The following FBXO11 variants were observed in gnomAD, a reference collection of about 807,000 sequenced individuals.
FBXO11 encodes F-box protein 11.
In FBXO11, 13 loss-of-function variants were observed where a neutral mutation model predicts 117.0. The ratio of observed to expected loss-of-function variants is 0.11; its 90% CI spans 0.07 to 0.18. The LOEUF is 0.18. Ranked by LOEUF, FBXO11 falls within the 10% of genes least tolerant of loss-of-function variation. FBXO11 has a pLI of 1.00. For synonymous variants in FBXO11, 490 were observed against 380.5 expected (o/e 1.29, Z -3.35); for missense variants, 767 against 1,164.4 (o/e 0.66, Z 4.97).
intron 11 of FBXO11, among the ~76,000 whole-genome samples, chr2:47,828,851 T>G (rs889188349): frequency 3.9e-5 from 6 of 152,212 alleles, no homozygotes; most frequent in African/African-American, 1.4e-4. Context: ...AAGGCTATAA[T>G]AAGCTTAGCT....
At chr2:47,886,501 CAAAA>C (rs368848073) in intron 1 of FBXO11, among the ~76,000 whole-genome samples, 2 of 82,652 alleles carry the variant, frequency 2.4e-5, no homozygotes, top group Non-Finnish European at 4.9e-5. Flanking sequence ...GCGAGACTCT[CAAAA>C]AAAAAAAAAA....
At chr2:47,895,357 T>G (rs962310984) in intron 1 of FBXO11, among the ~76,000 whole-genome samples, 1 of 152,134 alleles carries the variant, frequency 6.6e-6, no homozygotes, top group Non-Finnish European at 1.5e-5. Flanking sequence ...AGCAGCAATA[T>G]GGATGAAGCT....
chr2:47,849,937 A>T (rs575489852), intron 1 of FBXO11, among the ~76,000 whole-genome samples: 4 of 152,192 alleles, frequency 2.6e-5, no homozygotes, highest in Non-Finnish European at 5.9e-5. Context: ...TGGTCACTGA[A>T]GGGTATTAAA....
chr2:47,820,329 T>A (rs780423522), intron 14 of FBXO11, 33 bp downstream of exon 14: 2 of 1,537,014 alleles, frequency 1.3e-6, no homozygotes, highest in South Asian at 2.3e-5. Flanking sequence ...TTTTGATGCA[T>A]GAGTTTATAG....
At chr2:47,883,065 A>G (rs1676554034) in intron 1 of FBXO11, among the ~76,000 whole-genome samples, 1 of 152,176 alleles carries the variant, frequency 6.6e-6, no homozygotes, top group African/African-American at 2.4e-5. Context: ...CTTCTCTTGT[A>G]GAACTATTTA....
At position 47,839,773 on chromosome 2, in the gene FBXO11, T is replaced by C. The variant is rs771961928; in HGVS notation, c.233-4A>G. ...ATATCTGCAGGCACATCATCATCTG[T>C]TATAAACAAAAGCAATAAGAAAAAT... On this transcript the variant is annotated splice_region_variant and splice_polypyrimidine_tract_variant and intron_variant, in intron 1 of 22. Coordinates refer to ENST00000403359, the MANE Select transcript of FBXO11 (RefSeq NM_001190274.2). The C allele has an allele frequency of 3.1e-6, 5 of 1,602,280 alleles. No homozygotes were observed. The East Asian group carries it at 8.9e-5, about 29-fold the overall frequency.
intron 14 of FBXO11, 95 bp from the exon 15 acceptor site, chr2:47,819,173 AT>A: frequency 7.4e-7 from 1 of 1,345,738 alleles, no homozygotes; most frequent in Non-Finnish European, 1.0e-6. Flanking sequence ...AAAATTTTCC[AT>A]TTTTGTTTTT....
At position 47,852,653 on chromosome 2, in the gene FBXO11, AATG is replaced by A. The variant is rs1469871286; in HGVS notation, c.233-12887_233-12885del. ...TTTAAAACTTTATTGTATCAATACA[AATG>A]ATGATGGATGATAATAATGATAGTA... On this transcript the variant is annotated intron_variant, in intron 1 of 22. Coordinates refer to ENST00000403359, the MANE Select transcript of FBXO11 (RefSeq NM_001190274.2). Among the ~76,000 whole-genome samples, 9 of 152,330 alleles carry A rather than the reference AATG, an allele frequency of 5.9e-5. 1 individual carries two copies. Among genetic ancestry groups the A allele is most frequent in the African/African-American group, 1.4e-4 (6 of 41,582 alleles).
At position 47,837,733 on chromosome 2, in the gene FBXO11, C is replaced by A. The variant is rs1199161583; in HGVS notation, c.587+1126G>T. Reference sequence around the variant, plus strand: ...TATATAGCATATACAATTTTGTACTCTGTTCTTTTCTTTAAAAAACAGGGT... The same window carrying A: ...TATATAGCATATACAATTTTGTACTATGTTCTTTTCTTTAAAAAACAGGGT... On this transcript the variant is annotated intron_variant, in intron 4 of 22. Coordinates refer to ENST00000403359, the MANE Select transcript of FBXO11 (RefSeq NM_001190274.2). 2.6e-5 allele frequency among the ~76,000 whole-genome samples: 4 copies of A among 152,200 alleles called. No individual in the cohort carries two copies. The East Asian group carries it at 5.8e-4, about 22-fold the overall frequency.
chr2:47,859,639 A>C (rs933733174), intron 1 of FBXO11, among the ~76,000 whole-genome samples: 2 of 152,218 alleles, frequency 1.3e-5, no homozygotes, highest in African/African-American at 4.8e-5. Context: ...GCAGCCCTCA[A>C]AGTGTTTTCA....
chr2:47,813,928 A>G, intron 16 of FBXO11, 61 bp from the exon 17 acceptor site: 1 of 1,262,386 alleles, frequency 7.9e-7, no homozygotes, highest in Non-Finnish European at 1.2e-6. Flanking sequence ...TCTTCATGTT[A>G]CGTGAGGTAA....
intron 17 of FBXO11, 121 bp from the exon 18 acceptor site, chr2:47,813,498 C>A: frequency 1.5e-6 from 1 of 653,160 alleles, no homozygotes; most frequent in Non-Finnish European, 2.3e-6. Context: ...GTGGCGCGAT[C>A]TTGGCTCACT....
At position 47,807,306 on chromosome 2, in the gene FBXO11, C is replaced by T; in HGVS notation, c.*812G>A. 1 of 215,572 alleles carries T rather than the reference C, an allele frequency of 4.6e-6. No homozygotes were observed. The highest frequency in any genetic ancestry group is 9.4e-6 in the Non-Finnish European group (1 of 106,820). 13.4% of individuals were successfully genotyped at this position (215,572 alleles called of 1,614,324 possible). On this transcript the variant is annotated 3_prime_UTR_variant, in exon 23 of 23. Coordinates refer to ENST00000403359, the MANE Select transcript of FBXO11 (RefSeq NM_001190274.2). Reference sequence around the variant, plus strand: ...GTACTTAAAACATAGTAGTTTTTTACCTTTCACAAAACTGAGTTACAAGAA... The same window carrying T: ...GTACTTAAAACATAGTAGTTTTTTATCTTTCACAAAACTGAGTTACAAGAA...
chr2:47,848,733 A>C (rs1673611186), intron 1 of FBXO11, among the ~76,000 whole-genome samples: 1 of 152,226 alleles, frequency 6.6e-6, no homozygotes, highest in Non-Finnish European at 1.5e-5. Flanking sequence ...ATTAAAAAAT[A>C]ATCTCTGACA....
chr2:47,808,919 ACTC>A, intron 21 of FBXO11: 1 of 370,116 alleles, frequency 2.7e-6, no homozygotes, highest in Non-Finnish European at 4.8e-6. Flanking sequence ...CTGGTTTAGA[ACTC>A]CTGGGCTCCA....
chr2:47,894,690 C>A (rs779863664), intron 1 of FBXO11, among the ~76,000 whole-genome samples: 2 of 152,094 alleles, frequency 1.3e-5, no homozygotes, highest in East Asian at 3.8e-4. Flanking sequence ...GATTTTTAGA[C>A]AGTATACTTG....
chr2:47,830,844 T>C (rs1672126494), intron 11 of FBXO11, among the ~76,000 whole-genome samples: 1 of 151,984 alleles, frequency 6.6e-6, no homozygotes, highest in South Asian at 2.1e-4. Context: ...TGAAATCCCA[T>C]GCAAAGGCAC....
intron 1 of FBXO11, among the ~76,000 whole-genome samples, chr2:47,900,644 ATACACACGTATACACACACGTACG>A (rs1678086952): frequency 1.1e-5 from 1 of 93,936 alleles, no homozygotes; most frequent in Non-Finnish European, 2.5e-5. Context: ...ACGTACGTAT[ATACACACGTATACACACACGTACG>A]TATATACACA....
At position 47,858,215 on chromosome 2, in the gene FBXO11, G is replaced by A. The variant is rs556788493; in HGVS notation, c.233-18446C>T. Among the ~76,000 whole-genome samples, 8 of 151,832 alleles carry A rather than the reference G, an allele frequency of 5.3e-5. No homozygotes were observed. In the South Asian group the frequency reaches 1.0e-3, roughly 20 times the overall value. ...CTGTCTCCCAAGGTTTCGCCATGTT[G>A]GCCAGGCTGGTCTTGAGCTCCTGAC... On this transcript the variant is annotated intron_variant, in intron 1 of 22. Transcript: ENST00000403359.
Sources: gnomAD v4.1 joint callset for allele counts (sites outside exome capture counted in the v4.1 genomes callset) on GRCh38, gnomAD v4.1.1 for gene constraint, MANE v1.5 for transcripts, NCBI Gene and HGNC (gene_info 2026-07-23, HGNC 2026-07-21) for gene names.